Variants in MRPS9 observed in about 807,000 individuals in gnomAD.
MRPS9 encodes small ribosomal subunit protein uS9m.
In MRPS9, 45 loss-of-function variants were observed where a neutral mutation model predicts 59.9. The observed-to-expected ratio is 0.75, with a 90% CI of 0.59 to 0.96. MRPS9 has a LOEUF of 0.96. Among genes scored for constraint, MRPS9 ranks in the 40% least tolerant of loss-of-function variants. MRPS9 has a pLI of 0.00. For missense variants in MRPS9, 473 were observed against 481.1 expected (o/e 0.98, Z 0.16); for synonymous variants, 171 against 166.8 (o/e 1.03, Z -0.19).
chr2:105,042,983 T>A (rs1679527240), intron 1 of MRPS9, among the ~76,000 whole-genome samples: 1 of 152,146 alleles, frequency 6.6e-6, no homozygotes, highest in Non-Finnish European at 1.5e-5. Context: ...AGTCATTTAA[T>A]GTAAACCCCA....
chr2:105,065,215 A>G (rs897780711), intron 2 of MRPS9, among the ~76,000 whole-genome samples: 6 of 152,222 alleles, frequency 3.9e-5, no homozygotes, highest in African/African-American at 7.2e-5. Context: ...TAATTTTACT[A>G]CTAAATAGCT....
At chr2:105,079,165 C>T (rs577841633) in intron 4 of MRPS9, among the ~76,000 whole-genome samples, 1 of 152,226 alleles carries the variant, frequency 6.6e-6, no homozygotes, top group South Asian at 2.1e-4. Context: ...TTAAACTTCT[C>T]GATTATGAAA....
intron 1 of MRPS9, 53 bp from the exon 2 acceptor site, chr2:105,049,118 G>A (rs1573417616): frequency 8.2e-7 from 1 of 1,215,026 alleles, no homozygotes; most frequent in East Asian, 2.3e-5. Context: ...CAATGGCCTA[G>A]AAGATCACAG....
At chr2:105,061,723 T>C (rs56358580) in intron 2 of MRPS9, among the ~76,000 whole-genome samples, 30,886 of 151,932 alleles carry the variant, frequency 0.2, 3,232 homozygotes, top group Middle Eastern at 0.35. Flanking sequence ...GGGAGGAGCA[T>C]TGGGGACAGT....
chr2:105,092,661 AT>A, intron 8 of MRPS9, 92 bp downstream of exon 8: 1 of 1,139,922 alleles, frequency 8.8e-7, no homozygotes, highest in Non-Finnish European at 1.2e-6. Context: ...TATCCATTAG[AT>A]TTTTTATTTG....
intron 2 of MRPS9, among the ~76,000 whole-genome samples, chr2:105,061,431 G>A (rs1166735998): frequency 1.3e-5 from 2 of 152,120 alleles, no homozygotes; most frequent in African/African-American, 2.4e-5. Context: ...GGTAGTATGG[G>A]GTGAGCTTCC....
chr2:105,088,113 A>AG (rs1415431912), intron 5 of MRPS9, among the ~76,000 whole-genome samples: 1 of 151,570 alleles, frequency 6.6e-6, no homozygotes, highest in Non-Finnish European at 1.5e-5. Flanking sequence ...GATTAGCAAA[A>AG]AAAAAAAAAA....
At chr2:105,099,057 C>G (rs571377912) in intron 10 of MRPS9, among the ~76,000 whole-genome samples, 2 of 152,080 alleles carry the variant, frequency 1.3e-5, no homozygotes, top group Admixed American at 6.5e-5. Flanking sequence ...AAGAAACTGC[C>G]TGTGCTGAGA....
At chr2:105,048,136 T>C (rs1354855276) in intron 1 of MRPS9, among the ~76,000 whole-genome samples, 1 of 151,886 alleles carries the variant, frequency 6.6e-6, no homozygotes, top group Non-Finnish European at 1.5e-5. Context: ...ATTAAGAAAA[T>C]GTGGCACATA....
chr2:105,057,872 C>T (rs1018296052), intron 2 of MRPS9, among the ~76,000 whole-genome samples: 3 of 152,052 alleles, frequency 2.0e-5, no homozygotes, highest in South Asian at 2.1e-4. Context: ...CTTGCACTTG[C>T]GTTTACTAAT....
At chr2:105,078,115 T>C (rs1387401500) in intron 4 of MRPS9, among the ~76,000 whole-genome samples, 1 of 151,614 alleles carries the variant, frequency 6.6e-6, no homozygotes, top group Non-Finnish European at 1.5e-5. Flanking sequence ...AGCACGTGTT[T>C]GTGCCTTATT....
intron 7 of MRPS9, 114 bp downstream of exon 7, chr2:105,090,109 C>A (rs764307794): frequency 1.9e-6 from 1 of 519,076 alleles, no homozygotes; most frequent in Non-Finnish European, 3.3e-6. Flanking sequence ...CCTACGATGA[C>A]TTTTCTTTCT....
At chr2:105,067,240 C>A (rs999454178) in intron 2 of MRPS9, among the ~76,000 whole-genome samples, 2 of 152,140 alleles carry the variant, frequency 1.3e-5, no homozygotes, top group Non-Finnish European at 2.9e-5. Flanking sequence ...CCTCAGTTTT[C>A]CCCAGAATGT....
At chr2:105,049,067 A>G in intron 1 of MRPS9, 104 bp from the exon 2 acceptor site, 2 of 792,956 alleles carry the variant, frequency 2.5e-6, no homozygotes, top group Non-Finnish European at 3.9e-6. Context: ...ATACCGTAAT[A>G]AAAAAAGATA....
intron 2 of MRPS9, among the ~76,000 whole-genome samples, chr2:105,066,423 T>G (rs1174598454): frequency 6.6e-6 from 1 of 152,222 alleles, no homozygotes; most frequent in Non-Finnish European, 1.5e-5. Flanking sequence ...AAAAGAGATA[T>G]TGCCTGTAAG....
intron 10 of MRPS9, chr2:105,098,493 A>G (rs879861066): frequency 6.6e-6 from 1 of 152,198 alleles, no homozygotes; most frequent in African/African-American, 2.4e-5. Flanking sequence ...GCAATTTGTC[A>G]TCATATGGGA....
At chr2:105,061,072 T>G (rs1430692742) in intron 2 of MRPS9, among the ~76,000 whole-genome samples, 1 of 121,184 alleles carries the variant, frequency 8.3e-6, no homozygotes, top group African/African-American at 3.3e-5. Flanking sequence ...ATCGCATCAC[T>G]GCACTCCAGC....
At chr2:105,050,843 CAG>C (rs1679699272) in intron 2 of MRPS9, among the ~76,000 whole-genome samples, 1 of 152,160 alleles carries the variant, frequency 6.6e-6, no homozygotes, top group Admixed American at 6.5e-5. Context: ...TAGAGTCATA[CAG>C]TATTTGGTCT....
intron 10 of MRPS9, among the ~76,000 whole-genome samples, chr2:105,098,928 TG>T (rs1164605942): frequency 6.6e-6 from 1 of 152,218 alleles, no homozygotes; most frequent in Non-Finnish European, 1.5e-5. Flanking sequence ...CAGCCACTGC[TG>T]GGGCTCTTCC....
Sources: allele counts gnomAD v4.1 joint callset (sites outside exome capture counted in the v4.1 genomes callset), GRCh38; gene constraint gnomAD v4.1.1; transcripts MANE v1.5; gene names NCBI Gene and HGNC (gene_info 2026-07-23, HGNC 2026-07-21).